The following ANKRD30B variants were observed in gnomAD, a reference collection of about 807,000 sequenced individuals.
ANKRD30B encodes the protein ankyrin repeat domain-containing protein 30B.
ANKRD30B carries 144 observed loss-of-function variants against 202.2 expected under a neutral mutation model. The ratio of observed to expected loss-of-function variants is 0.71; its 90% CI spans 0.62 to 0.82. The LOEUF is 0.82. ANKRD30B is among the 40% of genes least tolerant of loss of function. The pLI is 0.00. For synonymous variants in ANKRD30B, 508 were observed against 561.3 expected (o/e 0.91, Z 1.34); for missense variants, 1,487 against 1,669.1 (o/e 0.89, Z 1.90).
At chr18:14,871,953 G>C in the ANKRD30B span, among the ~76,000 whole-genome samples, 2 of 152,330 alleles carry the variant, frequency 1.3e-5, no homozygotes, top group Non-Finnish European at 2.9e-5. Context: ...ACCAGAGATT[G>C]TGCTCAAGAT....
At chr18:14,917,047 A>T in the ANKRD30B span, among the ~76,000 whole-genome samples, 5 of 152,184 alleles carry the variant, frequency 3.3e-5, no homozygotes, top group Admixed American at 2.0e-4. Context: ...AGACACACAG[A>T]GGATATGAGG....
chr18:14,837,857 T>G (rs1306854624), intron 36 of ANKRD30B, among the ~76,000 whole-genome samples, 181 bp downstream of exon 36: 1 of 152,026 alleles, frequency 6.6e-6, no homozygotes, highest in African/African-American at 2.4e-5. Context: ...CTACTAAAAA[T>G]ACAAAAAATT....
chr18:14,759,288 T>C (rs1212090845), intron 5 of ANKRD30B: 3 of 152,218 alleles, frequency 2.0e-5, no homozygotes, highest in Non-Finnish European at 4.4e-5. Flanking sequence ...AAGTGTTGCA[T>C]ATTTCTTGCA....
At chr18:14,749,055 A>T (rs1912978858) in intron 1 of ANKRD30B, among the ~76,000 whole-genome samples, 1 of 152,248 alleles carries the variant, frequency 6.6e-6, no homozygotes, top group Non-Finnish European at 1.5e-5. Flanking sequence ...TAATTCCCAT[A>T]ATATATGACC....
the ANKRD30B span, among the ~76,000 whole-genome samples, chr18:14,875,046 G>A: frequency 2.3e-4 from 35 of 152,278 alleles, 1 homozygote; most frequent in South Asian, 6.6e-3. Flanking sequence ...CCAGGGGAGT[G>A]TGAGTGAAAT....
chr18:14,935,226 TA>T, the ANKRD30B span, among the ~76,000 whole-genome samples: 2 of 151,748 alleles, frequency 1.3e-5, no homozygotes, highest in East Asian at 3.9e-4. Flanking sequence ...TGGAGAGGGG[TA>T]TGTAAGAGCA....
intron 24 of ANKRD30B, among the ~76,000 whole-genome samples, chr18:14,808,071 C>G (rs1202393693): frequency 6.6e-6 from 1 of 150,912 alleles, no homozygotes; most frequent in Non-Finnish European, 1.5e-5. Flanking sequence ...CTTTGCAATT[C>G]TTAAATTACA....
chr18:14,749,680 A>C (rs1203864628), intron 1 of ANKRD30B, among the ~76,000 whole-genome samples: 1 of 52,526 alleles, frequency 1.9e-5, no homozygotes, highest in Non-Finnish European at 4.7e-5. Flanking sequence ...CAAAAAAAAA[A>C]AAAAAAAAAA....
At chr18:14,901,457 G>A in the ANKRD30B span, among the ~76,000 whole-genome samples, 9 of 151,990 alleles carry the variant, frequency 5.9e-5, no homozygotes, top group Admixed American at 5.2e-4. Context: ...AATTACATGA[G>A]ACTGAACTGA....
intron 33 of ANKRD30B, among the ~76,000 whole-genome samples, chr18:14,829,565 A>T (rs1970814332): frequency 6.6e-6 from 1 of 152,204 alleles, no homozygotes; most frequent in African/African-American, 2.4e-5. Context: ...TTTACCAAAG[A>T]GATCAGAATA....
chr18:14,753,109 C>G (rs1230735822), intron 3 of ANKRD30B, 97 bp downstream of exon 3: 1 of 986,320 alleles, frequency 1.0e-6, no homozygotes, highest in East Asian at 2.7e-5. Context: ...ACAAACATTC[C>G]TTGAGTGAAA....
At chr18:14,904,892 T>C in the ANKRD30B span, among the ~76,000 whole-genome samples, 1 of 152,166 alleles carries the variant, frequency 6.6e-6, no homozygotes, top group Non-Finnish European at 1.5e-5. Flanking sequence ...TGAGACCTAC[T>C]GGGCTGCATT....
Position 14,748,364 on chromosome 18 carries a change from G to T in ANKRD30B, c.-56G>T. The T allele has an allele frequency of 1.4e-6, 2 of 1,382,620 alleles. No homozygotes were observed. Among genetic ancestry groups the T allele is most frequent in the Non-Finnish European group, 1.9e-6 (2 of 1,049,918 alleles). 85.6% of individuals were successfully genotyped at this position (1,382,620 alleles called of 1,614,324 possible). A position where few individuals can be genotyped will look rare whatever the true frequency, so the allele number is the denominator to read the frequency against. ...AGCGGGAAGCGAGGGCGAGGGGTAG[G>T]GGCTGGGGAAGGGCGAGCGGGAGGC... On this transcript the variant is annotated 5_prime_UTR_variant, in exon 1 of 44. Transcript: ENST00000690538.
intron 9 of ANKRD30B, among the ~76,000 whole-genome samples, chr18:14,775,513 G>T (rs1967302299): frequency 6.6e-6 from 1 of 152,190 alleles, no homozygotes; most frequent in African/African-American, 2.4e-5. Context: ...GGTATATTTT[G>T]ATTATCCAGT....
chr18:14,865,865 C>T, the ANKRD30B span, among the ~76,000 whole-genome samples: 27 of 152,154 alleles, frequency 1.8e-4, no homozygotes, highest in African/African-American at 5.1e-4. Flanking sequence ...CAGAGCAGCT[C>T]GGTGAGCAGA....
intron 16 of ANKRD30B, among the ~76,000 whole-genome samples, chr18:14,795,809 T>G (rs1234506174): frequency 6.6e-6 from 1 of 152,114 alleles, no homozygotes; most frequent in East Asian, 1.9e-4. Flanking sequence ...TCTGATGTGT[T>G]TCCTTAACAA....
At chr18:14,917,027 C>T in the ANKRD30B span, among the ~76,000 whole-genome samples, 3 of 152,174 alleles carry the variant, frequency 2.0e-5, no homozygotes, top group African/African-American at 7.2e-5. Context: ...GGGGGCTGCT[C>T]TGAGCTGAGA....
At chr18:14,760,684 A>C (rs1915117241) in intron 6 of ANKRD30B, 66 bp downstream of exon 6, 1 of 1,192,172 alleles carries the variant, frequency 8.4e-7, no homozygotes, top group African/African-American at 1.6e-5. Flanking sequence ...TGCTGATCAC[A>C]AAAAAGCAAT....
the ANKRD30B span, among the ~76,000 whole-genome samples, chr18:14,876,469 A>T: frequency 6.6e-6 from 1 of 152,194 alleles, no homozygotes; most frequent in Admixed American, 6.5e-5. Context: ...TTTAGCCACA[A>T]GTGATACAAC....
Sources: allele counts gnomAD v4.1 joint callset (sites outside exome capture counted in the v4.1 genomes callset), GRCh38; gene constraint gnomAD v4.1.1; transcripts MANE v1.5; gene names NCBI Gene and HGNC (gene_info 2026-07-23, HGNC 2026-07-21).